ZBTB20: variants seen among roughly 807,000 people sequenced by gnomAD.
ZBTB20 encodes the protein zinc finger and BTB domain-containing protein 20.
Under a neutral mutation model 56.9 loss-of-function variants are expected in ZBTB20, and 9 were observed. The ratio of observed to expected loss-of-function variants is 0.16; its 90% CI spans 0.10 to 0.28. The LOEUF is 0.28. ZBTB20 is among the 10% of genes least tolerant of loss of function. The pLI, the probability that ZBTB20 is intolerant of heterozygous loss-of-function variation, is 1.00. For missense variants in ZBTB20, 655 were observed against 1,003.0 expected, an observed-to-expected ratio of 0.65 and a Z score of 4.69; for synonymous variants, 417 against 420.7, an observed-to-expected ratio of 0.99 and a Z score of 0.11.
chr3:114,865,355 C>A (rs1011935095), intron 4 of ZBTB20, among the ~76,000 whole-genome samples: 4 of 152,110 alleles, frequency 2.6e-5, no homozygotes, highest in Non-Finnish European at 4.4e-5. Flanking sequence ...CAGATGAGAA[C>A]CCACATACAG....
intron 3 of ZBTB20, among the ~76,000 whole-genome samples, chr3:114,924,347 T>C (rs1230577802): frequency 1.3e-5 from 2 of 152,060 alleles, no homozygotes; most frequent in Non-Finnish European, 2.9e-5. Context: ...ATAAAGAAAA[T>C]GTGGTACATA....
intron 4 of ZBTB20, chr3:114,876,218 T>C (rs1168579512): frequency 2.0e-5 from 3 of 152,236 alleles, no homozygotes; most frequent in Non-Finnish European, 4.4e-5. Flanking sequence ...TTGTGAGATT[T>C]TGGTGCACTC....
intron 2 of ZBTB20, among the ~76,000 whole-genome samples, chr3:115,037,739 T>C (rs958114086): frequency 6.6e-6 from 1 of 152,182 alleles, no homozygotes; most frequent in African/African-American, 2.4e-5. Flanking sequence ...AGGAGAAGTA[T>C]AAATACATTG....
intron 6 of ZBTB20, among the ~76,000 whole-genome samples, chr3:114,583,537 G>C (rs572230446): frequency 6.6e-6 from 1 of 152,004 alleles, no homozygotes; most frequent in African/African-American, 2.4e-5. Context: ...CACCAAGAAC[G>C]TTACAGTATG....
intron 7 of ZBTB20, among the ~76,000 whole-genome samples, chr3:114,438,703 G>T (rs1022819621): frequency 6.6e-6 from 1 of 152,088 alleles, no homozygotes; most frequent in African/African-American, 2.4e-5. Context: ...TTCTAGGCAA[G>T]ACCAGCTCTA....
chr3:115,145,484 G>A (rs2084936324), intron 1 of ZBTB20, among the ~76,000 whole-genome samples: 1 of 151,960 alleles, frequency 6.6e-6, no homozygotes, highest in Non-Finnish European at 1.5e-5. Context: ...ATCATCTCTA[G>A]GTTACTTATA....
chr3:114,829,272 T>C (rs2073711348), intron 4 of ZBTB20, among the ~76,000 whole-genome samples: 1 of 151,902 alleles, frequency 6.6e-6, no homozygotes, highest in Non-Finnish European at 1.5e-5. Context: ...CCATGGATAC[T>C]GTGAAAATAA....
intron 1 of ZBTB20, among the ~76,000 whole-genome samples, chr3:115,091,712 AC>A (rs2083200084): frequency 6.7e-6 from 1 of 148,796 alleles, no homozygotes; most frequent in African/African-American, 2.5e-5. Context: ...TATATATAAT[AC>A]ATACATATAT....
At chr3:114,700,623 G>A (rs758923937) in intron 5 of ZBTB20, among the ~76,000 whole-genome samples, 14 of 151,964 alleles carry the variant, frequency 9.2e-5, no homozygotes, top group African/African-American at 1.5e-4. Flanking sequence ...GACTGATTAC[G>A]GCACAGCAGG....
chr3:114,774,746 C>T (rs184448366), intron 5 of ZBTB20, among the ~76,000 whole-genome samples: 1 of 152,176 alleles, frequency 6.6e-6, no homozygotes, highest in African/African-American at 2.4e-5. Flanking sequence ...AACCTTCTCT[C>T]CTTCTTTAAA....
chr3:114,791,839 T>C (rs1326836905), intron 5 of ZBTB20: 1 of 152,146 alleles, frequency 6.6e-6, no homozygotes, highest in Admixed American at 6.6e-5. Flanking sequence ...TTAAAAAAGG[T>C]TATAACTGAG....
intron 5 of ZBTB20, among the ~76,000 whole-genome samples, chr3:114,706,011 C>T (rs989292704): frequency 2.6e-5 from 4 of 152,064 alleles, no homozygotes; most frequent in Non-Finnish European, 4.4e-5. Context: ...CACCATCTAG[C>T]CACGGTCTAT....
chr3:114,590,363 A>G (rs531801410), intron 6 of ZBTB20, among the ~76,000 whole-genome samples: 2 of 152,072 alleles, frequency 1.3e-5, no homozygotes, highest in African/African-American at 4.8e-5. Flanking sequence ...AGGCAAGTGA[A>G]TCGCTTGAAC....
At chr3:114,494,655 A>G (rs111996168) in intron 7 of ZBTB20, among the ~76,000 whole-genome samples, 465 of 152,210 alleles carry the variant, frequency 3.1e-3, no homozygotes, top group Non-Finnish European at 4.5e-3. Flanking sequence ...TTCCTTTTCT[A>G]CTGAGACTAT....
At chr3:114,493,529 C>A (rs908683531) in intron 7 of ZBTB20, among the ~76,000 whole-genome samples, 32 of 152,284 alleles carry the variant, frequency 2.1e-4, no homozygotes, top group African/African-American at 7.5e-4. Context: ...TCAGGCCTTA[C>A]GTATCTCTTC....
chr3:114,450,853 G>A lies in ZBTB20; in HGVS notation c.-255+49499C>T, dbSNP rs566060512. Among the ~76,000 whole-genome samples, 52 of 152,118 alleles carry A rather than the reference G, an allele frequency of 3.4e-4. 2 individuals carry two copies. In the South Asian group the frequency reaches 9.7e-3, roughly 29 times the overall value. On this transcript the variant is annotated intron_variant, in intron 7 of 11. Coordinates refer to ENST00000675478, the MANE Select transcript of ZBTB20 (RefSeq NM_001348800.3). ...TCATCTGTTTTTCATAGCAAGCGTG[G>A]AAAAGAAGGCAATCATACCAATTGA...
At chr3:115,030,702 TTCCTTCAGGGTACAGC>T (rs1371559297) in intron 2 of ZBTB20, among the ~76,000 whole-genome samples, 1 of 151,230 alleles carries the variant, frequency 6.6e-6, no homozygotes, top group Non-Finnish European at 1.5e-5. Flanking sequence ...AACCAGAAGC[TTCCTTCAGGGTACAGC>T]TCAATGAGTC....
At chr3:114,955,942 C>T (rs555952676) in intron 3 of ZBTB20, among the ~76,000 whole-genome samples, 2 of 152,042 alleles carry the variant, frequency 1.3e-5, no homozygotes, top group Non-Finnish European at 2.9e-5. Flanking sequence ...CTAGGTCTAA[C>T]AATTGTTTAA....
At chr3:114,692,789 C>G (rs1475446578) in intron 6 of ZBTB20, among the ~76,000 whole-genome samples, 1 of 152,120 alleles carries the variant, frequency 6.6e-6, no homozygotes, top group East Asian at 1.9e-4. Flanking sequence ...GCCACAATAC[C>G]AATCTTTTTG....
Sources: allele counts gnomAD v4.1 joint callset (sites outside exome capture counted in the v4.1 genomes callset), GRCh38; gene constraint gnomAD v4.1.1; transcripts MANE v1.5; gene names NCBI Gene and HGNC (gene_info 2026-07-23, HGNC 2026-07-21).